COBL: variants seen among roughly 807,000 people sequenced by gnomAD.
COBL encodes the protein protein cordon-bleu.
COBL carries 51 observed loss-of-function variants against 98.8 expected under a neutral mutation model. The ratio of observed to expected loss-of-function variants is 0.52; its 90% CI spans 0.41 to 0.65. The LOEUF is 0.65. Among genes scored for constraint, COBL ranks in the 30% least tolerant of loss-of-function variants. The probability of loss-of-function intolerance (pLI) is 0.00; values close to 1 mark genes in which losing one functional copy is unlikely to be tolerated. For missense variants in COBL, 1,617 were observed against 1,617.5 expected, an observed-to-expected ratio of 1.00 and a Z score of 0.01; for synonymous variants, 634 against 651.7, an observed-to-expected ratio of 0.97 and a Z score of 0.41.
intron 1 of COBL, among the ~76,000 whole-genome samples, chr7:51,314,079 C>T (rs976106482): frequency 4.6e-5 from 7 of 152,152 alleles, no homozygotes; most frequent in Admixed American, 3.9e-4. Context: ...ACAAAGATAA[C>T]TAATAACTAC....
intron 5 of COBL, among the ~76,000 whole-genome samples, chr7:51,163,331 T>C (rs549958411): frequency 7.9e-5 from 12 of 152,294 alleles, no homozygotes; most frequent in Admixed American, 5.2e-4. Flanking sequence ...TAAGTAGATA[T>C]CAATAAATCT....
intron 5 of COBL, among the ~76,000 whole-genome samples, chr7:51,147,611 G>C (rs1785147612): frequency 6.6e-6 from 1 of 152,150 alleles, no homozygotes; most frequent in Non-Finnish European, 1.5e-5. Context: ...GTGGAATGCT[G>C]AGAAAGGTGA....
chr7:51,127,421 A>G (rs575186163), intron 6 of COBL, among the ~76,000 whole-genome samples: 31 of 152,322 alleles, frequency 2.0e-4, no homozygotes, highest in Admixed American at 1.6e-3. Flanking sequence ...AGAACAGGGA[A>G]CAAACCAAGA....
chr7:51,256,844 T>A (rs1797244016), intron 1 of COBL, among the ~76,000 whole-genome samples: 1 of 152,226 alleles, frequency 6.6e-6, no homozygotes, highest in South Asian at 2.1e-4. Context: ...CTTCCCGGAT[T>A]TACTGCTTAA....
intron 1 of COBL, among the ~76,000 whole-genome samples, chr7:51,267,258 A>G (rs1048555211): frequency 6.6e-6 from 1 of 152,156 alleles, no homozygotes; most frequent in Non-Finnish European, 1.5e-5. Flanking sequence ...TGCTGTAAAA[A>G]ACTTTATGAA....
intron 4 of COBL, among the ~76,000 whole-genome samples, chr7:51,186,439 C>T (rs1022983713): frequency 6.6e-5 from 10 of 152,190 alleles, no homozygotes; most frequent in African/African-American, 2.2e-4. Context: ...AGAGCATTTT[C>T]CTAGTACACA....
At chr7:51,206,019 A>G (rs768935479) in intron 2 of COBL, among the ~76,000 whole-genome samples, 3 of 152,244 alleles carry the variant, frequency 2.0e-5, no homozygotes, top group Non-Finnish European at 4.4e-5. Flanking sequence ...TGGCAATTTT[A>G]TCAAAAAGAC....
chr7:51,073,212 C>T (rs974038147), intron 7 of COBL: 4 of 451,104 alleles, frequency 8.9e-6, no homozygotes, highest in Non-Finnish European at 1.6e-5. Context: ...TATATGTAAA[C>T]CCCAAAGGAA....
chr7:51,239,157 G>A (rs968181520), intron 1 of COBL, among the ~76,000 whole-genome samples: 83 of 152,240 alleles, frequency 5.5e-4, no homozygotes, highest in African/African-American at 1.9e-3. Flanking sequence ...GACCCAGAGC[G>A]ATTCCATCTC....
intron 5 of COBL, among the ~76,000 whole-genome samples, chr7:51,149,797 G>A (rs1354449830): frequency 2.0e-5 from 3 of 152,186 alleles, no homozygotes; most frequent in African/African-American, 7.2e-5. Context: ...GTAGAGCTGC[G>A]GTTTCAGCAT....
intron 7 of COBL, chr7:51,071,038 C>T (rs1792496176): frequency 6.6e-6 from 1 of 152,178 alleles, no homozygotes; most frequent in Non-Finnish European, 1.5e-5. Flanking sequence ...AAAAATAATG[C>T]ATAGTTTTTC....
At chr7:51,057,883 A>G (rs1352684479) in intron 7 of COBL, among the ~76,000 whole-genome samples, 2 of 152,154 alleles carry the variant, frequency 1.3e-5, no homozygotes, top group African/African-American at 4.8e-5. Context: ...CCATGCCCTG[A>G]AAGGATAGAT....
At chr7:51,057,184 AGAGTACT>A (rs1460053591) in intron 7 of COBL, among the ~76,000 whole-genome samples, 1 of 152,232 alleles carries the variant, frequency 6.6e-6, no homozygotes, top group East Asian at 1.9e-4. Flanking sequence ...CCAAAGCACA[AGAGTACT>A]GATGTTGGCA....
intron 1 of COBL, among the ~76,000 whole-genome samples, chr7:51,240,584 T>C (rs1248325326): frequency 1.3e-5 from 2 of 152,146 alleles, no homozygotes; most frequent in African/African-American, 2.4e-5. Context: ...TTGACCCTTT[T>C]TGCCCAGGCT....
chr7:51,280,450 T>C (rs892436907), intron 1 of COBL, among the ~76,000 whole-genome samples: 1 of 152,132 alleles, frequency 6.6e-6, no homozygotes, highest in African/African-American at 2.4e-5. Context: ...AGAGGAAAAC[T>C]CTTCTCTCGG....
rs1790325148 is a variant in COBL, at chr7:51,193,586, A to C, written c.249T>G (p.His83Gln). ...GTTCAACCAGTAGGTCCATCATCGC[A>C]TGGCTGAAAAAAGGAAAACAAATCA... ...LEKRSVLNGS[H>Q]AMMDLLVELC... Residue 83 changes from histidine to glutamine, a missense_variant, in exon 3 of 13, where the codon CAT becomes CAG. His to Gln is a conservative substitution (Grantham distance 24). Transcript: ENST00000265136. The C allele has an allele frequency of 6.2e-7, 1 of 1,613,808 alleles. No individual in the cohort carries two copies. Among genetic ancestry groups the C allele is most frequent in the African/African-American group, 1.3e-5 (1 of 74,918 alleles).
intron 1 of COBL, among the ~76,000 whole-genome samples, chr7:51,236,968 C>T (rs1795314939): frequency 6.6e-6 from 1 of 152,166 alleles, no homozygotes; most frequent in Admixed American, 6.5e-5. Flanking sequence ...AAGGAACCAC[C>T]TCATTTGGTT....
At chr7:51,109,700 C>T (rs116890060) in intron 6 of COBL, among the ~76,000 whole-genome samples, 2,686 of 152,270 alleles carry the variant, frequency 0.018, 33 homozygotes, top group Non-Finnish European at 0.028. Context: ...ACATGCCAGG[C>T]ACTGTTCTCC....
chr7:51,238,705 C>G (rs1795501978), intron 1 of COBL, among the ~76,000 whole-genome samples: 1 of 152,134 alleles, frequency 6.6e-6, no homozygotes, highest in South Asian at 2.1e-4. Context: ...TATCCAGCAG[C>G]CTCCCAGCCC....
Sources: gnomAD v4.1 joint callset for allele counts (sites outside exome capture counted in the v4.1 genomes callset) on GRCh38, gnomAD v4.1.1 for gene constraint, MANE v1.5 for transcripts, NCBI Gene and HGNC (gene_info 2026-07-23, HGNC 2026-07-21) for gene names.